Variants in SLC25A13 observed in about 807,000 individuals in gnomAD.
The protein encoded by SLC25A13 is electrogenic aspartate/glutamate antiporter SLC25A13, mitochondrial.
SLC25A13 carries 70 observed loss-of-function variants against 85.5 expected under a neutral mutation model. The ratio of observed to expected loss-of-function variants is 0.82; its 90% CI spans 0.68 to 1.00. SLC25A13 has a LOEUF of 1.00. Among genes scored for constraint, SLC25A13 ranks in the 50% least tolerant of loss-of-function variants. SLC25A13 has a pLI of 0.00. For synonymous variants in SLC25A13, 259 were observed against 288.7 expected (o/e 0.90, Z 1.04); for missense variants, 765 against 819.8 (o/e 0.93, Z 0.82).
intron 15 of SLC25A13, 86 bp downstream of exon 15, chr7:96,131,657 A>AC: frequency 9.4e-6 from 15 of 1,594,334 alleles, no homozygotes; most frequent in Non-Finnish European, 1.3e-5. Context: ...ACTATCAGCA[A>AC]AAAAATTTCA....
intron 4 of SLC25A13, among the ~76,000 whole-genome samples, chr7:96,225,829 T>A (rs1014846807): frequency 1.6e-4 from 24 of 152,278 alleles, no homozygotes; most frequent in African/African-American, 5.5e-4. Flanking sequence ...TATTCTGACA[T>A]CATATTTTTT....
At chr7:96,270,449 A>T (rs1798196342) in intron 3 of SLC25A13, among the ~76,000 whole-genome samples, 1 of 151,976 alleles carries the variant, frequency 6.6e-6, no homozygotes, top group African/African-American at 2.4e-5. Flanking sequence ...CCAGCTACTC[A>T]GGAGGCTGAG....
chr7:96,225,200 C>G (rs1796286628), intron 4 of SLC25A13, among the ~76,000 whole-genome samples: 1 of 152,100 alleles, frequency 6.6e-6, no homozygotes, highest in Non-Finnish European at 1.5e-5. Context: ...TTTCCTTTGG[C>G]CCCCTTCCTC....
intron 3 of SLC25A13, among the ~76,000 whole-genome samples, chr7:96,254,661 T>A (rs1797558065): frequency 6.6e-6 from 1 of 152,092 alleles, no homozygotes; most frequent in Non-Finnish European, 1.5e-5. Flanking sequence ...TACACACACA[T>A]ACACACTCCC....
intron 3 of SLC25A13, among the ~76,000 whole-genome samples, 157 bp from the exon 4 acceptor site, chr7:96,235,074 A>G (rs1445621739): frequency 2.6e-5 from 4 of 152,246 alleles, no homozygotes; most frequent in Admixed American, 2.6e-4. Context: ...TTTTACATAT[A>G]GTGGACTGAA....
chr7:96,212,099 T>TA (rs5885946), intron 4 of SLC25A13, among the ~76,000 whole-genome samples: 150,083 of 152,336 alleles, frequency 0.99, 73,970 homozygotes, highest in East Asian at 1. Context: ...AGATCATGTG[T>TA]GACCTAGGTC....
At chr7:96,189,217 G>T in intron 9 of SLC25A13, 77 bp downstream of exon 9, 1 of 1,274,568 alleles carries the variant, frequency 7.8e-7, no homozygotes, top group Non-Finnish European at 1.1e-6. Context: ...ATGCCGCAAA[G>T]GCAACTGCAA....
chr7:96,295,882 T>C (rs551775753), intron 2 of SLC25A13, among the ~76,000 whole-genome samples: 1 of 151,202 alleles, frequency 6.6e-6, no homozygotes, highest in African/African-American at 2.4e-5. Flanking sequence ...CATATATGTG[T>C]GTGTATATAT....
chr7:96,291,341 T>A (rs1280037987), intron 2 of SLC25A13, among the ~76,000 whole-genome samples: 1 of 152,126 alleles, frequency 6.6e-6, no homozygotes, highest in Non-Finnish European at 1.5e-5. Flanking sequence ...CATCTAAAAT[T>A]GACACCCTAA....
chr7:96,228,783 C>T (rs574685070), intron 4 of SLC25A13, among the ~76,000 whole-genome samples: 199 of 152,296 alleles, frequency 1.3e-3, no homozygotes, highest in Non-Finnish European at 2.1e-3. Flanking sequence ...GCGTGGGCTC[C>T]GCGGGCCCTG....
intron 13 of SLC25A13, among the ~76,000 whole-genome samples, chr7:96,149,894 G>A (rs543558697): frequency 1.3e-5 from 2 of 152,294 alleles, no homozygotes; most frequent in African/African-American, 4.8e-5. Flanking sequence ...CAATGGACAG[G>A]AACACCTATT....
chr7:96,163,909 A>G (rs1793629182), intron 13 of SLC25A13, among the ~76,000 whole-genome samples: 1 of 152,118 alleles, frequency 6.6e-6, no homozygotes, highest in Admixed American at 6.5e-5. Flanking sequence ...CTCTCCATAT[A>G]TATATATATT....
intron 3 of SLC25A13, among the ~76,000 whole-genome samples, chr7:96,249,835 C>A (rs958381946): frequency 7.7e-6 from 1 of 129,642 alleles, no homozygotes; most frequent in African/African-American, 2.9e-5. Context: ...TATTTTAATG[C>A]TTTTTCCTTC....
intron 4 of SLC25A13, among the ~76,000 whole-genome samples, 155 bp from the exon 5 acceptor site, chr7:96,209,132 C>A (rs1013264239): frequency 2.0e-5 from 3 of 151,558 alleles, no homozygotes; most frequent in African/African-American, 7.3e-5. Context: ...AATAAAAGAA[C>A]CCTCAAGGAA....
intron 15 of SLC25A13, among the ~76,000 whole-genome samples, chr7:96,125,042 G>A (rs1791668995): frequency 6.6e-6 from 1 of 151,850 alleles, no homozygotes. Context: ...CCTACCACAG[G>A]TTTAACTTCT....
intron 1 of SLC25A13, among the ~76,000 whole-genome samples, chr7:96,307,869 C>A (rs1051190331): frequency 6.6e-6 from 1 of 151,322 alleles, no homozygotes. Flanking sequence ...GACTCCACTG[C>A]GGCCGGGCGC....
At chr7:96,281,340 G>A (rs1285669062) in intron 2 of SLC25A13, among the ~76,000 whole-genome samples, 6 of 147,344 alleles carry the variant, frequency 4.1e-5, no homozygotes, top group Admixed American at 2.1e-4. Flanking sequence ...GCAGTGAGCT[G>A]AGACCGCCCC....
Position 96,199,407 on chromosome 7 carries a change from C to A in SLC25A13, c.469-6224G>T, listed in dbSNP as rs200272512. Among the ~76,000 whole-genome samples, 34 of 152,256 alleles carry A rather than the reference C, an allele frequency of 2.2e-4. 1 individual carries two copies. The East Asian group carries it at 6.4e-3, about 29-fold the overall frequency. ...AAATAAGTGAATAAAGAAAATAAGA[C>A]ACAGGGCCTGAAACCTTGTAGCAAA... On this transcript the variant is annotated intron_variant, in intron 5 of 17. Coordinates refer to ENST00000265631, the MANE Select transcript of SLC25A13 (RefSeq NM_014251.3).
chr7:96,209,525 C>T (rs541903784), intron 4 of SLC25A13, among the ~76,000 whole-genome samples: 11 of 152,248 alleles, frequency 7.2e-5, no homozygotes, highest in African/African-American at 2.4e-4. Context: ...AACACTTTAT[C>T]GAGCTGCACG....
Sources: allele counts gnomAD v4.1 joint callset (sites outside exome capture counted in the v4.1 genomes callset), GRCh38; gene constraint gnomAD v4.1.1; transcripts MANE v1.5; gene names NCBI Gene and HGNC (gene_info 2026-07-23, HGNC 2026-07-21).